Variants in CDHR2 observed in about 807,000 individuals in gnomAD.
CDHR2 encodes the protein cadherin-related family member 2.
Under a neutral mutation model 138.6 loss-of-function variants are expected in CDHR2, and 104 were observed. The ratio of observed to expected loss-of-function variants is 0.75; its 90% CI spans 0.64 to 0.88. The LOEUF (loss-of-function observed/expected upper bound fraction) is 0.88. Among genes scored for constraint, CDHR2 ranks in the 40% least tolerant of loss-of-function variants. CDHR2 has a pLI of 0.00. For missense variants in CDHR2, 1,624 were observed against 1,727.6 expected (o/e 0.94, Z 1.06); for synonymous variants, 755 against 742.8 (o/e 1.02, Z -0.27).
intron 6 of CDHR2, among the ~76,000 whole-genome samples, chr5:176,571,933 C>G (rs548186521): frequency 9.9e-5 from 15 of 152,226 alleles, no homozygotes; most frequent in African/African-American, 3.4e-4. Flanking sequence ...CAAATCATAT[C>G]GTGAAATTTG....
chr5:176,557,079 G>A (rs1581131105), intron 1 of CDHR2, among the ~76,000 whole-genome samples: 2 of 148,754 alleles, frequency 1.3e-5, no homozygotes, highest in Admixed American at 1.3e-4. Flanking sequence ...GCAGTGGGAA[G>A]GTCTTGGCTC....
chr5:176,574,008 C>T (rs1758295294), intron 6 of CDHR2, 75 bp from the exon 7 acceptor site: 1 of 1,148,686 alleles, frequency 8.7e-7, no homozygotes, highest in African/African-American at 1.5e-5. Flanking sequence ...GACACTGAAG[C>T]TCAGGGGGGC....
intron 6 of CDHR2, among the ~76,000 whole-genome samples, chr5:176,572,589 G>A (rs1401664418): frequency 1.3e-5 from 2 of 152,118 alleles, no homozygotes; most frequent in Non-Finnish European, 2.9e-5. Context: ...TCTGCATCGT[G>A]GGCCTTCCCC....
In CDHR2 at chr5:176,577,473, A is replaced by G; in HGVS notation, c.1269A>G (p.Ala423=). 1 of 1,610,812 alleles carries G rather than the reference A, an allele frequency of 6.2e-7. No homozygotes were observed. Among genetic ancestry groups the G allele is most frequent in the Non-Finnish European group, 8.5e-7 (1 of 1,178,906 alleles). Residue 423 remains alanine, a synonymous_variant, in exon 13 of 32, where the codon GCA becomes GCG. Transcript: ENST00000261944. The part of the protein sequence containing the change: ...AEAFSVSPER[A]VGSASVQVLV... ...CCTTCAGCGTCTCCCCGGAGCGGGC[A>G]GTGGGCTCAGCCTCCGTTCAGGTGC...
intron 7 of CDHR2, among the ~76,000 whole-genome samples, chr5:176,574,673 G>T (rs1418699085): frequency 6.6e-6 from 1 of 152,098 alleles, no homozygotes; most frequent in African/African-American, 2.4e-5. Context: ...TCACCTCTAG[G>T]TTACCTCCAA....
intron 1 of CDHR2, among the ~76,000 whole-genome samples, chr5:176,565,133 G>A (rs1041444082): frequency 2.0e-5 from 3 of 152,118 alleles, no homozygotes; most frequent in African/African-American, 4.8e-5. Context: ...TTCAGACATC[G>A]TGGTCACCCC....
At chr5:176,574,585 C>G (rs1758319273) in intron 7 of CDHR2, among the ~76,000 whole-genome samples, 1 of 152,202 alleles carries the variant, frequency 6.6e-6, no homozygotes, top group African/African-American at 2.4e-5. Context: ...CACCAAAATC[C>G]ATGGCTGCTC....
At chr5:176,578,718 C>T (rs1034080230) in intron 16 of CDHR2, 110 bp downstream of exon 16, 2 of 1,411,954 alleles carry the variant, frequency 1.4e-6, no homozygotes, top group African/African-American at 2.8e-5. Flanking sequence ...GGCTCTGAGA[C>T]AGTCACTCAG....
At chr5:176,546,369 T>A (rs1173211081), upstream of CDHR2, among the ~76,000 whole-genome samples, 1 of 152,122 alleles carries the variant, frequency 6.6e-6, no homozygotes, top group Non-Finnish European at 1.5e-5. Flanking sequence ...GAGGTGATAT[T>A]AGTAATGCAA....
At position 176,590,408 on chromosome 5, in the gene CDHR2, T is replaced by C; in HGVS notation, c.3354-17T>C. ...TGTGCCAAGGTCCCTCGGGCCTAAG[T>C]GGAGTTCTGTGGCCAGGATGATCCG... On this transcript the variant is annotated splice_polypyrimidine_tract_variant and intron_variant, in intron 26 of 31. Transcript: ENST00000261944. The C allele has an allele frequency of 6.2e-7, 1 of 1,614,000 alleles. No homozygotes were observed. Among genetic ancestry groups the C allele is most frequent in the Non-Finnish European group, 8.5e-7 (1 of 1,179,976 alleles).
upstream of CDHR2, among the ~76,000 whole-genome samples, chr5:176,545,224 A>C (rs538483811): frequency 6.6e-6 from 1 of 152,044 alleles, no homozygotes; most frequent in Non-Finnish European, 1.5e-5. Flanking sequence ...TCCAGGTTCA[A>C]GCGATTCTTG....
chr5:176,578,480 G>A lies in CDHR2; in HGVS notation c.1690G>A (p.Gly564Arg), dbSNP rs61743422. The A allele has an allele frequency of 0.015, 24,965 of 1,613,858 alleles. 298 individuals are homozygous for A. The highest frequency in any genetic ancestry group is 0.028 in the South Asian group (2,542 of 91,042). Residue 564 changes from glycine (G) to arginine (R), a missense_variant, in exon 16 of 32, where the codon GGG becomes AGG. This residue lies in a region of CDHR2 where 1,061 missense variants were observed against 1,136.6 expected (regional missense o/e 0.93). Coordinates refer to ENST00000261944, the MANE Select transcript of CDHR2 (RefSeq NM_017675.6). The stretch of plus-strand genomic sequence containing the variant: ...CCTGACGCTGCAGGCCACAGACGGC[G>A]GGAACCTGTCCTCCTCCACCACACT... ...YYLTLQATDG[G>R]NLSSSTTLQI...
intron 17 of CDHR2, among the ~76,000 whole-genome samples, chr5:176,582,882 C>T (rs916881311): frequency 6.6e-6 from 1 of 152,198 alleles, no homozygotes; most frequent in Non-Finnish European, 1.5e-5. Flanking sequence ...TGCCACCAGC[C>T]CACAAGGCAC....
chr5:176,548,171 ATAT>A (rs1757625543), upstream of CDHR2, among the ~76,000 whole-genome samples: 1 of 152,206 alleles, frequency 6.6e-6, no homozygotes, highest in Non-Finnish European at 1.5e-5. Context: ...ATGAAAGATG[ATAT>A]TATACTCTTA....
At chr5:176,564,983 G>T (rs971068214) in intron 1 of CDHR2, among the ~76,000 whole-genome samples, 2 of 152,208 alleles carry the variant, frequency 1.3e-5, no homozygotes, top group African/African-American at 2.4e-5. Context: ...GCATGGTCTT[G>T]TCATTGACTC....
Position 176,586,012 on chromosome 5 carries a change from G to T in CDHR2, c.2793G>T (p.Glu931Asp), listed in dbSNP as rs543624964. ...VNDNAPYFLP[E>D]NKTFVIIPEL... Reference sequence around the variant, plus strand: ...ACAATGCACCCTATTTTCTGCCTGAGAATAAGACTTTTGGTAAGCAGCAAC... The same window carrying T: ...ACAATGCACCCTATTTTCTGCCTGATAATAAGACTTTTGGTAAGCAGCAAC... The change falls in exon 20 of 32, where the codon GAG becomes GAT. Residue 931 changes from glutamate to aspartate, a missense_variant. This residue lies in a region of CDHR2 where 556 missense variants were observed against 565.7 expected (regional missense o/e 0.98). Coordinates refer to ENST00000261944, the MANE Select transcript of CDHR2 (RefSeq NM_017675.6). 9 of 1,613,780 alleles carry T rather than the reference G, an allele frequency of 5.6e-6. No homozygotes were observed. The highest frequency in any genetic ancestry group is 6.8e-6 in the Non-Finnish European group (8 of 1,179,868).
intron 21 of CDHR2, among the ~76,000 whole-genome samples, chr5:176,587,390 G>A (rs1398769803): frequency 1.3e-5 from 2 of 152,176 alleles, no homozygotes; most frequent in Non-Finnish European, 2.9e-5. Context: ...GGAGGTTGCG[G>A]TGAGTCGAGA....
In CDHR2 at chr5:176,565,674, G is replaced by T; in HGVS notation, c.55G>T (p.Ala19Ser). Residue 19 changes from alanine to serine, a missense_variant and splice_region_variant, in exon 3 of 32, where the codon GCA becomes TCA. Coordinates refer to ENST00000261944, the MANE Select transcript of CDHR2 (RefSeq NM_017675.6). ...FLLPALVVSVAANVAPKFLAN... is the reference protein window; with the variant it reads ...FLLPALVVSVSANVAPKFLAN... ...TCCAGCACACTGTGTCCCTACAGTG[G>T]CAGCCAACGTGGCCCCGAAGTTCCT... 6.2e-7 allele frequency: 1 copy of T among 1,613,620 alleles called. No individual in the cohort carries two copies. Among genetic ancestry groups the T allele is most frequent in the East Asian group, 2.2e-5 (1 of 44,850 alleles).
At chr5:176,590,183 GAGA>G in intron 25 of CDHR2, 37 bp downstream of exon 25, 1 of 1,609,958 alleles carries the variant, frequency 6.2e-7, no homozygotes, top group South Asian at 1.1e-5. Context: ...GGTTGAGGGG[GAGA>G]AGCGGTAGCA....
Sources: gnomAD v4.1 joint callset for allele counts (sites outside exome capture counted in the v4.1 genomes callset) on GRCh38, gnomAD v4.1.1 for gene constraint, gnomAD v4.1.1 regional missense constraint, MANE v1.5 for transcripts, NCBI Gene and HGNC (gene_info 2026-07-23, HGNC 2026-07-21) for gene names.